The following FAM168A variants were observed in gnomAD, a reference collection of about 807,000 sequenced individuals.
FAM168A encodes protein FAM168A.
A neutral mutation model predicts 28.5 loss-of-function variants in FAM168A; 3 were observed. The ratio of observed to expected loss-of-function variants is 0.11; its 90% CI spans 0.05 to 0.27. The LOEUF is 0.27. FAM168A is among the 10% of genes least tolerant of loss of function. FAM168A has a pLI of 1.00. For missense variants in FAM168A, 222 were observed against 311.5 expected (o/e 0.71, Z 2.16); for synonymous variants, 122 against 124.2 (o/e 0.98, Z 0.12).
chr11:73,463,654 G>A (rs937197267), intron 2 of FAM168A, among the ~76,000 whole-genome samples: 1 of 152,164 alleles, frequency 6.6e-6, no homozygotes, highest in Admixed American at 6.6e-5. Flanking sequence ...TGGATGAGCA[G>A]GGGAAGAAAA....
At chr11:73,538,418 G>A (rs148365321) in intron 1 of FAM168A, among the ~76,000 whole-genome samples, 59 of 151,534 alleles carry the variant, frequency 3.9e-4, no homozygotes, top group Non-Finnish European at 1.3e-4. Flanking sequence ...GACTAATACT[G>A]GCAAGGATTG....
At chr11:73,420,852 A>C (rs77089196) in intron 3 of FAM168A, 1 of 152,660 alleles carries the variant, frequency 6.6e-6, no homozygotes. Flanking sequence ...ATGATACTTC[A>C]TATGTTTTAG....
Position 73,448,827 on chromosome 11 carries a change from T to C in FAM168A, c.71-18057A>G, listed in dbSNP as rs144523973. Among the ~76,000 whole-genome samples, 3 of 152,350 alleles carry C rather than the reference T, an allele frequency of 2.0e-5. No homozygotes were observed. In the East Asian group the frequency reaches 5.8e-4, roughly 29 times the overall value. The stretch of plus-strand genomic sequence containing the variant: ...AAGAATCATAGAGATATTGGTCTTG[T>C]ACTCACTGACCTAATAAATCAATGT... On this transcript the variant is annotated intron_variant, in intron 2 of 7. Coordinates refer to ENST00000356467, the MANE Select transcript of FAM168A (RefSeq NM_015159.3).
chr11:73,544,532 T>G (rs953745783), intron 1 of FAM168A, among the ~76,000 whole-genome samples: 1 of 151,304 alleles, frequency 6.6e-6, no homozygotes. Context: ...ACTATCCAAA[T>G]GTCCATCAAC....
chr11:73,444,460 C>T (rs1867262451), intron 2 of FAM168A, among the ~76,000 whole-genome samples: 1 of 152,200 alleles, frequency 6.6e-6, no homozygotes, highest in Non-Finnish European at 1.5e-5. Flanking sequence ...TTCTAGTCAG[C>T]ATGGCTTTTT....
At chr11:73,546,282 CT>C (rs1189979848) in intron 1 of FAM168A, among the ~76,000 whole-genome samples, 3 of 152,170 alleles carry the variant, frequency 2.0e-5, no homozygotes, top group Non-Finnish European at 2.9e-5. Flanking sequence ...CCAAGTTCAC[CT>C]ATGTGGGGGG....
At chr11:73,548,595 C>T (rs1364452945) in intron 1 of FAM168A, among the ~76,000 whole-genome samples, 1 of 152,178 alleles carries the variant, frequency 6.6e-6, no homozygotes, top group Non-Finnish European at 1.5e-5. Flanking sequence ...CCAGAACTGA[C>T]CTAATCCTAG....
intron 3 of FAM168A, chr11:73,420,818 A>T (rs1866778993): frequency 1.3e-5 from 2 of 152,588 alleles, no homozygotes. Flanking sequence ...GCTGACTCAA[A>T]GCTCAGCTCG....
At chr11:73,444,218 C>T (rs1867258048) in intron 2 of FAM168A, among the ~76,000 whole-genome samples, 1 of 152,206 alleles carries the variant, frequency 6.6e-6, no homozygotes, top group South Asian at 2.1e-4. Context: ...ATACTTGGCA[C>T]AGAACAGTAA....
In FAM168A at chr11:73,487,834, C is replaced by T. The variant is rs552866870; in HGVS notation, c.-18-19342G>A. ...CTAACAATCCCTCAACCTATCAGGA[C>T]ATTCAATCTACTAATTCTACCTATA... On this transcript the variant is annotated intron_variant, in intron 1 of 7. Transcript: ENST00000356467. 2.0e-5 allele frequency among the ~76,000 whole-genome samples: 3 copies of T among 152,294 alleles called. No individual in the cohort carries two copies. In the East Asian group the frequency reaches 5.8e-4, roughly 29 times the overall value.
At chr11:73,445,618 C>T (rs1159385458) in intron 2 of FAM168A, among the ~76,000 whole-genome samples, 2 of 151,670 alleles carry the variant, frequency 1.3e-5, no homozygotes, top group Non-Finnish European at 2.9e-5. Context: ...TTTCCAGAGA[C>T]TTTGTCAACA....
intron 3 of FAM168A, 149 bp from the exon 4 acceptor site, chr11:73,420,148 G>A: frequency 1.3e-6 from 1 of 798,114 alleles, no homozygotes; most frequent in Non-Finnish European, 1.9e-6. Flanking sequence ...TTTCTGAGAT[G>A]GTTGAGTGGG....
intron 3 of FAM168A, among the ~76,000 whole-genome samples, chr11:73,429,370 G>A (rs1179447124): frequency 1.3e-5 from 2 of 152,164 alleles, no homozygotes; most frequent in Non-Finnish European, 2.9e-5. Context: ...AGGTTGAACT[G>A]GACGATCTCT....
At chr11:73,453,793 A>G (rs1173422905) in intron 2 of FAM168A, among the ~76,000 whole-genome samples, 4 of 152,238 alleles carry the variant, frequency 2.6e-5, no homozygotes, top group African/African-American at 7.2e-5. Context: ...ATGAGAATCT[A>G]TGCAGCACAG....
At chr11:73,536,454 G>A (rs1285662653) in intron 1 of FAM168A, among the ~76,000 whole-genome samples, 3 of 152,136 alleles carry the variant, frequency 2.0e-5, no homozygotes, top group Admixed American at 6.6e-5. Context: ...GTGGGAGGCC[G>A]AAGTGGGCAG....
At chr11:73,521,579 T>G (rs1466637520) in intron 1 of FAM168A, among the ~76,000 whole-genome samples, 5 of 152,226 alleles carry the variant, frequency 3.3e-5, no homozygotes, top group Non-Finnish European at 2.9e-5. Flanking sequence ...AATTTCCTCT[T>G]TAGAACTAGG....
chr11:73,417,605 G>GTGCACTCTGTTGCACT (rs1866717736), intron 4 of FAM168A, among the ~76,000 whole-genome samples: 1 of 146,812 alleles, frequency 6.8e-6, no homozygotes, highest in Non-Finnish European at 1.5e-5. Context: ...TGTTGCCCAG[G>GTGCACTCTGTTGCACT]CTGTAGTGCA....
chr11:73,435,073 T>C (rs1032965373), intron 2 of FAM168A, among the ~76,000 whole-genome samples: 2 of 152,118 alleles, frequency 1.3e-5, no homozygotes, highest in African/African-American at 4.8e-5. Context: ...ATTAAATCCC[T>C]AAATCCCTAA....
intron 4 of FAM168A, among the ~76,000 whole-genome samples, chr11:73,418,134 T>C (rs1866727694): frequency 6.6e-6 from 1 of 152,230 alleles, no homozygotes; most frequent in African/African-American, 2.4e-5. Flanking sequence ...TGTTGACATC[T>C]AGGGGCAATG....
Sources: allele counts gnomAD v4.1 joint callset (sites outside exome capture counted in the v4.1 genomes callset), GRCh38; gene constraint gnomAD v4.1.1; transcripts MANE v1.5; gene names NCBI Gene and HGNC (gene_info 2026-07-23, HGNC 2026-07-21).